Variants in NRXN1 observed in about 807,000 individuals in gnomAD.
NRXN1 encodes the protein neurexin 1, also known as neurexin-1.
In NRXN1, 39 loss-of-function variants were observed where a neutral mutation model predicts 150.9. That is an observed-to-expected ratio of 0.26 (90% CI 0.20 to 0.34). NRXN1 has a LOEUF of 0.34. NRXN1 is among the 10% of genes least tolerant of loss of function. The probability of loss-of-function intolerance (pLI) is 1.00; values close to 1 mark genes in which losing one functional copy is unlikely to be tolerated. For missense variants in NRXN1, 1,815 were observed against 1,949.9 expected (o/e 0.93, Z 1.30); for synonymous variants, 924 against 757.0 (o/e 1.22, Z -3.62).
chr2:50,487,211 T>A lies in NRXN1; in HGVS notation c.3070+8694A>T, dbSNP rs140217829. On this transcript the variant is annotated intron_variant, in intron 15 of 22. Coordinates refer to ENST00000401669, the MANE Select transcript of NRXN1 (RefSeq NM_001330078.2). The stretch of plus-strand genomic sequence containing the variant: ...ATGATGGTGATGATGATGGTGATAG[T>A]GATATACCCTGCCTAAGGAAATACA... 8.2e-3 allele frequency among the ~76,000 whole-genome samples: 1,248 copies of A among 152,268 alleles called. 11 individuals are homozygous for A. The highest frequency in any genetic ancestry group is 0.021 in the South Asian group (102 of 4,828).
In NRXN1 at chr2:50,326,097, GAAAAT is replaced by G. The variant is rs373382832; in HGVS notation, c.3365-89132_3365-89128del. ...GTTTATCAGTTTTCATCAAAACAAA[GAAAAT>G]AAGACACGATTTTGTTTTTTTCATT... On this transcript the variant is annotated intron_variant, in intron 17 of 22. Coordinates refer to ENST00000401669, the MANE Select transcript of NRXN1 (RefSeq NM_001330078.2). Among the ~76,000 whole-genome samples the G allele has an allele frequency of 4.7e-4, 72 of 152,124 alleles. 1 individual carries two copies. The South Asian group carries it at 0.012, about 25-fold the overall frequency.
intron 5 of NRXN1, among the ~76,000 whole-genome samples, chr2:50,862,995 G>A (rs1337811544): frequency 3.9e-5 from 6 of 152,086 alleles, no homozygotes; most frequent in African/African-American, 1.2e-4. Context: ...ATATAGTTGA[G>A]CATTTTTATA....
rs10634117 is a variant in NRXN1 at position 50,649,259 on chromosome 2, T to TACACACACACAC, written c.833-25656_833-25645dup. 5.6e-4 allele frequency among the ~76,000 whole-genome samples: 80 copies of TACACACACACAC among 143,318 alleles called. 1 individual carries two copies. The highest frequency in any genetic ancestry group is 1.8e-3 in the African/African-American group (69 of 38,756). 94.0% of individuals were successfully genotyped at this position (143,318 alleles called of 152,430 possible). On this transcript the variant is annotated intron_variant, in intron 5 of 22. Coordinates refer to ENST00000401669, the MANE Select transcript of NRXN1 (RefSeq NM_001330078.2). ...AAGCATGTATACACACATACACACA[T>TACACACACACAC]ACACACACACACACACACACACACA...
chr2:50,317,930 G>A (rs191419916), intron 17 of NRXN1, among the ~76,000 whole-genome samples: 136 of 151,972 alleles, frequency 8.9e-4, no homozygotes, highest in African/African-American at 3.2e-3. Flanking sequence ...TCAAGGTAGA[G>A]GTAGAAAAGT....
intron 5 of NRXN1, among the ~76,000 whole-genome samples, chr2:50,902,333 A>G (rs975926704): frequency 6.6e-6 from 1 of 152,120 alleles, no homozygotes; most frequent in African/African-American, 2.4e-5. Flanking sequence ...ATGTTGAATC[A>G]CATTCTGAGT....
intron 5 of NRXN1, among the ~76,000 whole-genome samples, chr2:50,896,770 C>T (rs1278666054): frequency 6.6e-6 from 1 of 152,124 alleles, no homozygotes; most frequent in African/African-American, 2.4e-5. Context: ...TCGCTTGAGC[C>T]CGGGAGGTGG....
chr2:50,781,774 T>C (rs543524778), intron 5 of NRXN1, among the ~76,000 whole-genome samples: 117 of 152,366 alleles, frequency 7.7e-4, no homozygotes, highest in Admixed American at 3.1e-3. Context: ...TTATTCAGCA[T>C]ATTAGTTAAT....
intron 5 of NRXN1, among the ~76,000 whole-genome samples, chr2:50,799,330 T>A (rs1018656689): frequency 6.6e-6 from 1 of 152,204 alleles, no homozygotes; most frequent in Non-Finnish European, 1.5e-5. Context: ...AACAATTTAA[T>A]TCCTATACAG....
intron 9 of NRXN1, 76 bp from the exon 10 acceptor site, chr2:50,538,712 T>C: frequency 8.1e-7 from 1 of 1,236,722 alleles, no homozygotes; most frequent in South Asian, 2.7e-5. Flanking sequence ...CTCTTTCGTC[T>C]GCTTGATGGT....
At chr2:50,460,337 T>C (rs2088041037) in intron 17 of NRXN1, among the ~76,000 whole-genome samples, 1 of 152,114 alleles carries the variant, frequency 6.6e-6, no homozygotes, top group Non-Finnish European at 1.5e-5. Context: ...CTTTTTGATT[T>C]CTAGGGGCCA....
chr2:50,654,315 T>C (rs1229130620), intron 5 of NRXN1, among the ~76,000 whole-genome samples: 2 of 150,898 alleles, frequency 1.3e-5, no homozygotes, highest in Non-Finnish European at 3.0e-5. Flanking sequence ...TTGCTGAGAA[T>C]GATGGTTTCC....
chr2:50,496,153 A>G, intron 14 of NRXN1, 58 bp from the exon 15 acceptor site: 2 of 1,345,254 alleles, frequency 1.5e-6, no homozygotes, highest in Non-Finnish European at 2.1e-6. Flanking sequence ...TGATGAACCT[A>G]AAGTAGATAT....
chr2:50,575,880 T>C (rs901424891), intron 8 of NRXN1, among the ~76,000 whole-genome samples: 1 of 152,198 alleles, frequency 6.6e-6, no homozygotes. Flanking sequence ...TCAAGCAGAA[T>C]TGCCCTCTCT....
In NRXN1 at chr2:50,008,128, G is replaced by A. The variant is rs556511702; in HGVS notation, c.4128+45143C>T. 1.1e-4 allele frequency among the ~76,000 whole-genome samples: 17 copies of A among 152,098 alleles called. No homozygotes were observed. The South Asian group carries it at 1.7e-3, about 15-fold the overall frequency. ...TCAAGATCCTTGCCTTATTAATTTC[G>A]TCTCCCCAAGTATCTAGACATTCCC... On this transcript the variant is annotated intron_variant, in intron 21 of 22. Coordinates refer to ENST00000401669, the MANE Select transcript of NRXN1 (RefSeq NM_001330078.2).
At chr2:50,586,005 G>A (rs570951701) in intron 8 of NRXN1, among the ~76,000 whole-genome samples, 1 of 152,264 alleles carries the variant, frequency 6.6e-6, no homozygotes, top group South Asian at 2.1e-4. Flanking sequence ...TGGAGAAAAT[G>A]GGCTGGTGAC....
intron 2 of NRXN1, among the ~76,000 whole-genome samples, chr2:50,932,175 G>A (rs1687849420): frequency 6.6e-6 from 1 of 152,076 alleles, no homozygotes; most frequent in African/African-American, 2.4e-5. Flanking sequence ...ATCACTTGGT[G>A]TCAGGAGTTC....
intron 17 of NRXN1, among the ~76,000 whole-genome samples, chr2:50,324,679 C>T (rs1186779551): frequency 6.6e-6 from 1 of 152,204 alleles, no homozygotes; most frequent in Non-Finnish European, 1.5e-5. Flanking sequence ...GTAGCTGGGA[C>T]TGCAGGCGCC....
chr2:50,070,064 GTGA>G (rs1696012618), intron 19 of NRXN1, among the ~76,000 whole-genome samples: 1 of 151,754 alleles, frequency 6.6e-6, no homozygotes, highest in South Asian at 2.1e-4. Flanking sequence ...GTTAGCCAGG[GTGA>G]TTTCGATCTC....
At chr2:50,522,462 T>C (rs951879584) in intron 12 of NRXN1, among the ~76,000 whole-genome samples, 1 of 152,168 alleles carries the variant, frequency 6.6e-6, no homozygotes, top group Admixed American at 6.5e-5. Context: ...GGTTTCAACA[T>C]GCATTCTTAA....
Sources: allele counts gnomAD v4.1 joint callset (sites outside exome capture counted in the v4.1 genomes callset), GRCh38; gene constraint gnomAD v4.1.1; transcripts MANE v1.5; gene names NCBI Gene and HGNC (gene_info 2026-07-23, HGNC 2026-07-21).